The following TMLHE variants were observed in gnomAD, a reference collection of about 807,000 sequenced individuals.
The protein encoded by TMLHE is trimethyllysine dioxygenase, mitochondrial.
A neutral mutation model predicts 25.7 loss-of-function variants in TMLHE; 18 were observed. The observed-to-expected ratio is 0.70, with a 90% confidence interval of 0.48 to 1.04. TMLHE has a LOEUF of 1.04. Among genes scored for constraint, TMLHE ranks in the 50% least tolerant of loss-of-function variants. The pLI, the probability that TMLHE is intolerant of heterozygous loss-of-function variation, is 0.00. For synonymous variants in TMLHE, 105 were observed against 97.0 expected, an observed-to-expected ratio of 1.08 and a Z score of -0.49; for missense variants, 236 against 259.0, an observed-to-expected ratio of 0.91 and a Z score of 0.61.
At chrX:155,510,421 C>G (rs1291179529) in intron 5 of TMLHE, among the ~76,000 whole-genome samples, 19 of 78,603 alleles carry the variant, frequency 2.4e-4, no homozygotes, top group African/African-American at 9.0e-4. Context: ...CACAACAGTC[C>G]CCAGAGTGTG....
chrX:155,555,856 C>G (rs1434152783), intron 1 of TMLHE, among the ~76,000 whole-genome samples: 5 of 110,035 alleles, frequency 4.5e-5, no homozygotes, highest in Non-Finnish European at 7.6e-5. Flanking sequence ...TTTTGCTGTG[C>G]AGAAGCTCTT....
chrX:155,505,575 CCTT>C (rs782346669), intron 6 of TMLHE, among the ~76,000 whole-genome samples: 6 of 111,581 alleles, frequency 5.4e-5, no homozygotes, highest in Non-Finnish European at 1.9e-5. Flanking sequence ...ACACTGAACT[CCTT>C]CTGATTACAA....
intron 2 of TMLHE, among the ~76,000 whole-genome samples, chrX:155,540,654 C>G (rs1238824129): frequency 1.8e-5 from 2 of 111,514 alleles, no homozygotes; most frequent in Non-Finnish European, 3.8e-5. Flanking sequence ...GTGTAAATCA[C>G]TTTTAAATAT....
intron 1 of TMLHE, among the ~76,000 whole-genome samples, chrX:155,558,064 C>G (rs2067470318): frequency 8.9e-6 from 1 of 111,833 alleles, no homozygotes; most frequent in Admixed American, 9.5e-5. Context: ...ATTTGAATAT[C>G]TCCCTAGGCT....
At chrX:155,546,474 A>G (rs781934959) in intron 1 of TMLHE, among the ~76,000 whole-genome samples, 1 of 111,550 alleles carries the variant, frequency 9.0e-6, no homozygotes, top group South Asian at 3.8e-4. Context: ...TAGTGTAATT[A>G]AACCCACAAA....
chrX:155,605,207 T>G (rs2067779796), intron 1 of TMLHE, among the ~76,000 whole-genome samples: 1 of 112,164 alleles, frequency 8.9e-6, no homozygotes, highest in Admixed American at 9.4e-5. Flanking sequence ...ATGGCCATTT[T>G]AAGAAAGAAC....
intron 2 of TMLHE, among the ~76,000 whole-genome samples, chrX:155,528,754 C>T (rs1357256363): frequency 1.8e-5 from 2 of 111,166 alleles, no homozygotes; most frequent in African/African-American, 3.3e-5. Context: ...AGATTGGTTC[C>T]ATATCTTTGC....
Position 155,568,165 on chromosome X carries a change from C to T in TMLHE, c.-1-22888G>A, listed in dbSNP as rs1252864166. On this transcript the variant is annotated intron_variant, in intron 1 of 7. Transcript: ENST00000334398. Reference sequence around the variant, plus strand: ...GCGCTTTTCCGACAGGCTGAAAAAACGGCGCACCAGGAGATTATATCCCCC... The same window carrying T: ...GCGCTTTTCCGACAGGCTGAAAAAATGGCGCACCAGGAGATTATATCCCCC... 2.0e-4 allele frequency among the ~76,000 whole-genome samples: 12 copies of T among 61,531 alleles called. 3 individuals carry two copies. The highest frequency in any genetic ancestry group is 1.7e-3 in the Admixed American group (9 of 5,269). The allele number at this position is 61,531 out of a possible 115,157, so 53.4% of individuals were successfully genotyped here.
chrX:155,508,281 C>G (rs1472684584), intron 5 of TMLHE, among the ~76,000 whole-genome samples: 1 of 110,428 alleles, frequency 9.1e-6, no homozygotes, highest in African/African-American at 3.3e-5. Flanking sequence ...ATATGCAAAA[C>G]TAAGAAAAAG....
intron 2 of TMLHE, among the ~76,000 whole-genome samples, chrX:155,534,445 G>T (rs1457715908): frequency 9.0e-6 from 1 of 111,434 alleles, no homozygotes; most frequent in Non-Finnish European, 1.9e-5. Flanking sequence ...TGTTGGTCAG[G>T]CTGGTCTTGA....
rs145555358 is a variant in TMLHE at position 155,526,925 on chromosome X, T to C, written c.182-2293A>G. Among the ~76,000 whole-genome samples, 194 of 112,934 alleles carry C rather than the reference T, an allele frequency of 1.7e-3. 1 individual carries two copies. In the Middle Eastern group the frequency reaches 0.018, roughly 11 times the overall value. ...CATTTACCGAATGCCTGTACCCCCATTGTATCTTGGAAGTAACAAACTTGT... is the reference window on the plus strand; with the variant it reads ...CATTTACCGAATGCCTGTACCCCCACTGTATCTTGGAAGTAACAAACTTGT... On this transcript the variant is annotated intron_variant, in intron 2 of 7. Transcript: ENST00000334398.
chrX:155,591,190 A>G (rs1176012797), intron 1 of TMLHE, among the ~76,000 whole-genome samples: 1 of 111,909 alleles, frequency 8.9e-6, no homozygotes, highest in Non-Finnish European at 1.9e-5. Flanking sequence ...TACATGAAGA[A>G]GAAAGAAACT....
At chrX:155,609,291 A>C (rs2124507197) in intron 1 of TMLHE, among the ~76,000 whole-genome samples, 1 of 111,946 alleles carries the variant, frequency 8.9e-6, no homozygotes, top group Non-Finnish European at 1.9e-5. Context: ...ACAGGAACAG[A>C]AAACCAAACA....
chrX:155,555,499 G>A (rs1485012032), intron 1 of TMLHE, among the ~76,000 whole-genome samples: 2 of 110,404 alleles, frequency 1.8e-5, no homozygotes, highest in Admixed American at 9.6e-5. Context: ...CACCAACAGC[G>A]TAAAAGTGTT....
At chrX:155,601,166 T>A (rs782341025) in intron 1 of TMLHE, among the ~76,000 whole-genome samples, 1 of 112,017 alleles carries the variant, frequency 8.9e-6, no homozygotes, top group East Asian at 2.8e-4. Context: ...AGACAGAGAA[T>A]TCATTGCTAA....
intron 1 of TMLHE, among the ~76,000 whole-genome samples, chrX:155,582,912 G>C: frequency 8.9e-6 from 1 of 112,258 alleles, no homozygotes; most frequent in East Asian, 2.8e-4. Context: ...GCAAAGACTT[G>C]GAACCAACCC....
chrX:155,550,305 T>A (rs12688786), intron 1 of TMLHE, among the ~76,000 whole-genome samples: 61,124 of 109,374 alleles, frequency 0.56, 14,649 homozygotes, highest in Middle Eastern at 0.77. Context: ...ATTTAACTTG[T>A]CCTAATTAAA....
intron 1 of TMLHE, among the ~76,000 whole-genome samples, chrX:155,611,286 T>A (rs1557348310): frequency 9.0e-6 from 1 of 110,998 alleles, no homozygotes; most frequent in Non-Finnish European, 1.9e-5. Context: ...CTTGGTATTA[T>A]AGAAAGGGGA....
intron 1 of TMLHE, among the ~76,000 whole-genome samples, chrX:155,598,711 T>A (rs188161141): frequency 1.5e-4 from 16 of 110,194 alleles, no homozygotes; most frequent in Non-Finnish European, 3.0e-4. Flanking sequence ...ATAATAATAA[T>A]AATAAAGAAA....
Sources: gnomAD v4.1 joint callset for allele counts (sites outside exome capture counted in the v4.1 genomes callset) on GRCh38, gnomAD v4.1.1 for gene constraint, MANE v1.5 for transcripts, NCBI Gene and HGNC (gene_info 2026-07-23, HGNC 2026-07-21) for gene names.